The following TECR variants were observed in gnomAD, a reference collection of about 807,000 sequenced individuals.
TECR encodes the protein very-long-chain enoyl-CoA reductase.
A neutral mutation model predicts 50.6 loss-of-function variants in TECR; 19 were observed. That is an observed-to-expected ratio of 0.38 (90% CI 0.26 to 0.55). The LOEUF (loss-of-function observed/expected upper bound fraction) is 0.55, where lower values mean the gene tolerates loss of function less well. Among genes scored for constraint, TECR ranks in the 20% least tolerant of loss-of-function variants. The pLI, the probability that TECR is intolerant of heterozygous loss-of-function variation, is 0.79. For synonymous variants in TECR, 168 were observed against 163.5 expected (o/e 1.03, Z -0.21); for missense variants, 313 against 408.3 (o/e 0.77, Z 2.01).
chr19:14,537,540 C>A (rs1352155916), intron 1 of TECR, among the ~76,000 whole-genome samples: 2 of 152,104 alleles, frequency 1.3e-5, no homozygotes, highest in East Asian at 3.9e-4. Context: ...GGGAATCCTG[C>A]ACTTTCATTG....
At chr19:14,547,593 C>G (rs1471329135) in intron 1 of TECR, among the ~76,000 whole-genome samples, 1 of 151,762 alleles carries the variant, frequency 6.6e-6, no homozygotes, top group East Asian at 1.9e-4. Flanking sequence ...AACTCCTGAC[C>G]TCAGGTAATC....
chr19:14,564,800 C>T lies in TECR; in HGVS notation c.504C>T (p.Tyr168=), dbSNP rs1462674202. 3.1e-6 allele frequency: 5 copies of T among 1,613,644 alleles called. No individual in the cohort carries two copies. Among genetic ancestry groups the T allele is most frequent in the African/African-American group, 2.7e-5 (2 of 74,820 alleles). Residue 168 remains tyrosine, a synonymous_variant, in exon 8 of 13, where the codon TAC becomes TAT. Transcript: ENST00000215567. ...CTCCCTTTCAGAACTGCACCTACTACTGGGGCTTCGCCGCGTGGATGGCCT... is the reference window on the plus strand; with the variant it reads ...CTCCCTTTCAGAACTGCACCTACTATTGGGGCTTCGCCGCGTGGATGGCCT... ...LRNIFKNCTY[Y]WGFAAWMAYY...
chr19:14,544,330 G>T (rs1201670474), intron 1 of TECR, among the ~76,000 whole-genome samples: 1 of 152,136 alleles, frequency 6.6e-6, no homozygotes, highest in Non-Finnish European at 1.5e-5. Context: ...TGGCCCTGGG[G>T]AGGGTCTCTG....
chr19:14,565,013 G>A, intron 9 of TECR, 21 bp downstream of exon 9: 1 of 1,613,986 alleles, frequency 6.2e-7, no homozygotes, highest in East Asian at 2.2e-5. Flanking sequence ...TGGGTGTGGG[G>A]ACGGGGTCGG....
chr19:14,549,804 A>G (rs1045554164), intron 1 of TECR, among the ~76,000 whole-genome samples: 4 of 151,930 alleles, frequency 2.6e-5, no homozygotes, highest in African/African-American at 9.7e-5. Context: ...TTAGCTGGGC[A>G]TGGTGGCATG....
chr19:14,532,588 T>A (rs934545858), intron 1 of TECR: 1 of 151,860 alleles, frequency 6.6e-6, no homozygotes, highest in African/African-American at 2.4e-5. Context: ...AAATAAATTG[T>A]TATTTTGCTG....
chr19:14,563,559 T>TG lies in TECR; in HGVS notation c.119-98dup, dbSNP rs2073968315. 5.2e-6 allele frequency: 8 copies of TG among 1,533,554 alleles called. No individual in the cohort carries two copies. The Admixed American group carries it at 1.4e-4, about 26-fold the overall frequency. The allele number at this position is 1,533,554 out of a possible 1,614,324, so 95.0% of individuals were successfully genotyped here. ...AGGAGCTGTGGAGTCCTGGGGTCCT[T>TG]GCACCCTGGGAACCCTGAGAAGCTG... On this transcript the variant is annotated intron_variant, in intron 3 of 12. Coordinates refer to ENST00000215567, the MANE Select transcript of TECR (RefSeq NM_138501.6). The surrounding 1 kb of genome is among the most constrained non-coding windows in gnomAD (Gnocchi z 5.3).
intron 6 of TECR, 38 bp downstream of exon 6, chr19:14,564,135 G>A (rs1487695249): frequency 1.2e-6 from 2 of 1,606,868 alleles, no homozygotes; most frequent in Admixed American, 3.3e-5. Flanking sequence ...GGGGAAGGCA[G>A]AAGACCTGCC....
upstream of TECR, among the ~76,000 whole-genome samples, chr19:14,528,732 G>A (rs951361505): frequency 1.1e-3 from 170 of 151,962 alleles, no homozygotes; most frequent in African/African-American, 3.5e-3. Flanking sequence ...CTGAGGTCAG[G>A]AGTTCAAGAC....
At chr19:14,559,678 T>G (rs1252133663) in intron 1 of TECR, among the ~76,000 whole-genome samples, 1 of 151,832 alleles carries the variant, frequency 6.6e-6, no homozygotes, top group Admixed American at 6.6e-5. Flanking sequence ...TCCCAGCTAC[T>G]CTGGAGGCTG....
At chr19:14,535,779 G>GA (rs1555729629) in intron 1 of TECR, among the ~76,000 whole-genome samples, 7 of 114,364 alleles carry the variant, frequency 6.1e-5, no homozygotes, top group Non-Finnish European at 1.4e-4. Flanking sequence ...AAAAAAAAAG[G>GA]GAAAGTGGTG....
chr19:14,562,661 C>T (rs1415917392), intron 2 of TECR, 86 bp downstream of exon 2: 2 of 1,447,268 alleles, frequency 1.4e-6, no homozygotes, highest in East Asian at 4.5e-5. Flanking sequence ...TCCAGTGGGG[C>T]CCTTTGTGCC....
Position 14,563,170 on chromosome 19 carries a change from G to T in TECR, c.67-36G>T, listed in dbSNP as rs372968700. The T allele has an allele frequency of 6.2e-7, 1 of 1,613,196 alleles. No homozygotes were observed. The highest frequency in any genetic ancestry group is 1.7e-5 in the Admixed American group (1 of 59,938). On this transcript the variant is annotated intron_variant, in intron 2 of 12. Transcript: ENST00000215567. The surrounding 1 kb of genome is among the most constrained non-coding windows in gnomAD (Gnocchi z 5.3). ...TCCCCATCCTGAGTCTGGGCTCCCC[G>T]CAGAGCTGACGTCCCTGCGCCTGTG...
chr19:14,547,559 A>C (rs1028754941), intron 1 of TECR, among the ~76,000 whole-genome samples: 5 of 151,938 alleles, frequency 3.3e-5, no homozygotes, highest in Admixed American at 1.3e-4. Flanking sequence ...ATGAGTTTTC[A>C]CCATGTTAGC....
intron 1 of TECR, among the ~76,000 whole-genome samples, chr19:14,558,513 T>G (rs2073809582): frequency 6.6e-6 from 1 of 152,132 alleles, no homozygotes; most frequent in African/African-American, 2.4e-5. Flanking sequence ...CCGGGAATCT[T>G]GGGCCTCCTG....
chr19:14,542,362 T>TTTTTTTTTG, intron 1 of TECR, among the ~76,000 whole-genome samples: 1 of 129,904 alleles, frequency 7.7e-6, no homozygotes, highest in East Asian at 2.2e-4. Context: ...TTTTTTTTTT[T>TTTTTTTTTG]TTTTTTTTTT....
chr19:14,538,722 G>A lies in TECR; in HGVS notation c.15+9011G>A, dbSNP rs1257480169. Among the ~76,000 whole-genome samples, 4 of 150,884 alleles carry A rather than the reference G, an allele frequency of 2.7e-5. No individual in the cohort carries two copies. In the East Asian group the frequency reaches 7.8e-4, roughly 30 times the overall value. ...TAATTTTTGTATTTTTAGTAGAGAC[G>A]GGGTTTCAGCATCTTGGCCAGGCTG... is the stretch of plus-strand genomic sequence containing the variant. On this transcript the variant is annotated intron_variant, in intron 1 of 12. Transcript: ENST00000215567.
At chr19:14,556,803 C>T (rs753580420) in intron 1 of TECR, among the ~76,000 whole-genome samples, 3 of 152,162 alleles carry the variant, frequency 2.0e-5, no homozygotes, top group Non-Finnish European at 2.9e-5. Context: ...TTCCAGCAGG[C>T]GGGAGTAAGT....
At chr19:14,551,912 CCCCT>C (rs1181039456) in intron 1 of TECR, among the ~76,000 whole-genome samples, 257 of 124,556 alleles carry the variant, frequency 2.1e-3, no homozygotes, top group African/African-American at 7.4e-3. Context: ...TCTCTCTCTC[CCCCT>C]CCCTCCCTCC....
Sources: allele counts gnomAD v4.1 joint callset (sites outside exome capture counted in the v4.1 genomes callset), GRCh38; gene constraint gnomAD v4.1.1; non-coding constraint Gnocchi (gnomAD v3.1); transcripts MANE v1.5; gene names NCBI Gene and HGNC (gene_info 2026-07-23, HGNC 2026-07-21).